SLC30A4: variants seen among roughly 807,000 people sequenced by gnomAD.
The protein encoded by SLC30A4 is solute carrier family 30 member 4, also known as probable proton-coupled zinc antiporter SLC30A4.
A neutral mutation model predicts 41.7 loss-of-function variants in SLC30A4; 20 were observed. The observed-to-expected ratio is 0.48, with a 90% CI of 0.34 to 0.70. SLC30A4 has a LOEUF of 0.70. SLC30A4 is among the 30% of genes least tolerant of loss of function. The pLI, the probability that SLC30A4 is intolerant of heterozygous loss-of-function variation, is 0.01. For synonymous variants in SLC30A4, 181 were observed against 195.9 expected (o/e 0.92, Z 0.64); for missense variants, 441 against 529.3 (o/e 0.83, Z 1.64).
At chr15:45,515,332 A>T (rs1296874458) in intron 2 of SLC30A4, among the ~76,000 whole-genome samples, 2 of 151,628 alleles carry the variant, frequency 1.3e-5, no homozygotes, top group Non-Finnish European at 2.9e-5. Context: ...CCAGCCCTTA[A>T]TTTATCTTCT....
chr15:45,489,685 G>A (rs1891774547), intron 4 of SLC30A4, among the ~76,000 whole-genome samples: 1 of 150,644 alleles, frequency 6.6e-6, no homozygotes, highest in African/African-American at 2.4e-5. Flanking sequence ...CGAGTTAATG[G>A]GTACAGCACA....
At chr15:45,502,464 T>C (rs2643718) in intron 3 of SLC30A4, 94,654 of 151,926 alleles carry the variant, frequency 0.62, 31,803 homozygotes, top group African/African-American at 0.87. Flanking sequence ...TGGCTCACTG[T>C]AGCCTCAACC....
intron 3 of SLC30A4, among the ~76,000 whole-genome samples, chr15:45,507,484 GTTCTT>G (rs778531269): frequency 6.7e-6 from 1 of 148,214 alleles, no homozygotes; most frequent in South Asian, 2.1e-4. Flanking sequence ...TCCTGGTTCT[GTTCTT>G]TTCTTTTTCC....
chr15:45,508,100 G>A (rs942531704), intron 3 of SLC30A4, among the ~76,000 whole-genome samples: 1 of 152,108 alleles, frequency 6.6e-6, no homozygotes, highest in Non-Finnish European at 1.5e-5. Flanking sequence ...TAGGATTGCA[G>A]GCATAAACCA....
chr15:45,487,070 T>TA (rs1231903693), intron 6 of SLC30A4, among the ~76,000 whole-genome samples: 1 of 151,556 alleles, frequency 6.6e-6, no homozygotes, highest in Admixed American at 6.6e-5. Flanking sequence ...ATAATGATAA[T>TA]AAGCCTATTG....
At chr15:45,501,422 T>G (rs964118357) in intron 3 of SLC30A4, among the ~76,000 whole-genome samples, 1 of 152,250 alleles carries the variant, frequency 6.6e-6, no homozygotes, top group African/African-American at 2.4e-5. Flanking sequence ...AAACAAATGA[T>G]TTAAGGATTA....
intron 5 of SLC30A4, 144 bp downstream of exon 5, chr15:45,488,697 T>C (rs557192867): frequency 8.3e-5 from 54 of 653,396 alleles, no homozygotes; most frequent in Admixed American, 4.1e-4. Flanking sequence ...ACAAAAGAAC[T>C]ATAATGATTG....
chr15:45,481,328 A>G lies in SLC30A4; in HGVS notation c.*3835T>C, dbSNP rs1891599992. The G allele has an allele frequency of 5.9e-5, 9 of 152,372 alleles. No homozygotes were observed. In the South Asian group the frequency reaches 1.9e-3, roughly 32 times the overall value. The allele number at this position is 152,372 out of a possible 1,614,324, so 9.4% of individuals were successfully genotyped here. A position where few individuals can be genotyped will look rare whatever the true frequency, so the allele number is the denominator to read the frequency against. ...GAATTACAATAGCTTCCAGTTCTGC[A>G]TATCAAAACCTTCTGAGACATGCTT... is the stretch of plus-strand genomic sequence containing the variant. On this transcript the variant is annotated 3_prime_UTR_variant, in exon 8 of 8. Coordinates refer to ENST00000261867, the MANE Select transcript of SLC30A4 (RefSeq NM_013309.6).
rs1277001570 is a variant in SLC30A4, at chr15:45,482,413, C to T, written c.*2750G>A. 1 of 146,468 alleles carries T rather than the reference C, an allele frequency of 6.8e-6. No individual in the cohort carries two copies. Among genetic ancestry groups the T allele is most frequent in the Admixed American group, 6.8e-5 (1 of 14,664 alleles). The allele number at this position is 146,468 out of a possible 1,614,324, so 9.1% of individuals were successfully genotyped here. On this transcript the variant is annotated 3_prime_UTR_variant, in exon 8 of 8. Coordinates refer to ENST00000261867, the MANE Select transcript of SLC30A4 (RefSeq NM_013309.6). ...AGCCTGGGTGACAGTGAGACACCAT[C>T]TTAAAAAAAAAAAAAGAATTCTTTT...
intron 3 of SLC30A4, among the ~76,000 whole-genome samples, chr15:45,496,836 T>TATAA (rs77966458): frequency 0.35 from 48,460 of 136,874 alleles, 9,712 homozygotes; most frequent in South Asian, 0.45. Flanking sequence ...TCTCTGAAAA[T>TATAA]ATAAATAAAT....
At position 45,481,616 on chromosome 15, in the gene SLC30A4, C is replaced by T. The variant is rs1188991257; in HGVS notation, c.*3547G>A. 6.6e-6 allele frequency: 1 copy of T among 152,202 alleles called. No individual in the cohort carries two copies. The highest frequency in any genetic ancestry group is 1.5e-5 in the Non-Finnish European group (1 of 68,050). The allele number at this position is 152,202 out of a possible 1,614,324, so 9.4% of individuals were successfully genotyped here. On this transcript the variant is annotated 3_prime_UTR_variant, in exon 8 of 8. Transcript: ENST00000261867. ...TTAATAATGCTATGTGTTCATCCAA[C>T]TCAGCCACTGCTTTTCACAGGGCAT...
At chr15:45,489,105 G>T in intron 4 of SLC30A4, 63 bp from the exon 5 acceptor site, 1 of 1,147,234 alleles carries the variant, frequency 8.7e-7, no homozygotes, top group African/African-American at 1.6e-5. Context: ...TTTGTCACTA[G>T]TCAGACACTA....
intron 3 of SLC30A4, among the ~76,000 whole-genome samples, chr15:45,491,523 T>C (rs1306247071): frequency 2.0e-5 from 3 of 152,220 alleles, no homozygotes; most frequent in African/African-American, 7.2e-5. Context: ...GCCCATGAGT[T>C]TGAGATCAGC....
At chr15:45,499,167 G>C (rs1192629079) in intron 3 of SLC30A4, among the ~76,000 whole-genome samples, 1 of 150,562 alleles carries the variant, frequency 6.6e-6, no homozygotes, top group East Asian at 2.0e-4. Flanking sequence ...TGCTTCCTGA[G>C]TTCAAGCGAT....
chr15:45,497,807 T>C (rs1180809772), intron 3 of SLC30A4, among the ~76,000 whole-genome samples: 1 of 152,224 alleles, frequency 6.6e-6, no homozygotes, highest in Non-Finnish European at 1.5e-5. Context: ...AGTACCTTAT[T>C]CTTTCTCTTC....
chr15:45,498,891 T>C (rs767908637), intron 3 of SLC30A4, among the ~76,000 whole-genome samples: 10 of 152,262 alleles, frequency 6.6e-5, no homozygotes, highest in Non-Finnish European at 1.3e-4. Context: ...CTTAGCTAAA[T>C]AGTTTTCTAT....
At chr15:45,485,700 G>C (rs183089782) in intron 7 of SLC30A4, among the ~76,000 whole-genome samples, 1 of 151,812 alleles carries the variant, frequency 6.6e-6, no homozygotes, top group African/African-American at 2.4e-5. Context: ...GTAGAAAAGA[G>C]CATGGGAAAT....
intron 2 of SLC30A4, 31 bp from the exon 3 acceptor site, chr15:45,511,315 CAAGTT>C (rs1433230533): frequency 6.7e-7 from 1 of 1,484,818 alleles, no homozygotes; most frequent in Non-Finnish European, 9.0e-7. Context: ...AAAAAAGGAA[CAAGTT>C]AATTTTTTAA....
chr15:45,492,212 CAAAAAA>C (rs1163243140), intron 3 of SLC30A4, among the ~76,000 whole-genome samples: 1 of 68,004 alleles, frequency 1.5e-5, no homozygotes, highest in African/African-American at 3.7e-5. Context: ...CTGTAGCATC[CAAAAAA>C]AAAAAAAAAA....
Sources: allele counts gnomAD v4.1 joint callset (sites outside exome capture counted in the v4.1 genomes callset), GRCh38; gene constraint gnomAD v4.1.1; transcripts MANE v1.5; gene names NCBI Gene and HGNC (gene_info 2026-07-23, HGNC 2026-07-21).